AJAP1: variants seen among roughly 807,000 people sequenced by gnomAD.
AJAP1 encodes adherens junction-associated protein 1.
AJAP1 carries 5 observed loss-of-function variants against 35.0 expected under a neutral mutation model. That is an observed-to-expected ratio of 0.14 (90% CI 0.07 to 0.30). The LOEUF (loss-of-function observed/expected upper bound fraction) is 0.30. AJAP1 is among the 10% of genes least tolerant of loss of function. The pLI is 1.00. For synonymous variants in AJAP1, 284 were observed against 249.3 expected (o/e 1.14, Z -1.31); for missense variants, 586 against 571.0 (o/e 1.03, Z -0.27).
intron 1 of AJAP1, among the ~76,000 whole-genome samples, chr1:4,694,974 A>G (rs1383318258): frequency 3.9e-5 from 6 of 152,136 alleles, no homozygotes. Flanking sequence ...CAGGAGTCAG[A>G]TGGGACCATG....
chr1:4,772,593 T>C (rs1052831361), intron 4 of AJAP1, 68 bp downstream of exon 4: 2 of 1,583,242 alleles, frequency 1.3e-6, no homozygotes, highest in African/African-American at 2.7e-5. Context: ...CGGGGGCCGG[T>C]GTGGCTGAGC....
intron 2 of AJAP1, among the ~76,000 whole-genome samples, chr1:4,759,598 G>A (rs994893046): frequency 6.6e-6 from 1 of 152,104 alleles, no homozygotes; most frequent in African/African-American, 2.4e-5. Context: ...TTCTGTACGG[G>A]GGCCTCTGGA....
chr1:4,765,899 G>T (rs927474372), intron 2 of AJAP1, among the ~76,000 whole-genome samples: 1 of 152,150 alleles, frequency 6.6e-6, no homozygotes, highest in Non-Finnish European at 1.5e-5. Flanking sequence ...TAAACTAGAG[G>T]CTGTGGGTCT....
At chr1:4,769,513 G>C (rs1641783829) in intron 2 of AJAP1, among the ~76,000 whole-genome samples, 1 of 152,218 alleles carries the variant, frequency 6.6e-6, no homozygotes, top group East Asian at 1.9e-4. Context: ...CCTGCCGCCA[G>C]GTAGAGGAGG....
rs1490534651 is a variant in AJAP1 at position 4,787,646 on chromosome 1, C to G, written c.*5161C>G. 2.2e-6 allele frequency: 1 copy of G among 455,826 alleles called. No homozygotes were observed. The highest frequency in any genetic ancestry group is 7.0e-5 in the East Asian group (1 of 14,380). 28.2% of individuals were successfully genotyped at this position (455,826 alleles called of 1,614,324 possible). A position where few individuals can be genotyped will look rare whatever the true frequency, so the allele number is the denominator to read the frequency against. On this transcript the variant is annotated 3_prime_UTR_variant, in exon 6 of 6. Transcript: ENST00000378191. ...TGAGGGCTGCTGCCCTGGTGATGAG[C>G]TTGCCCCATCCCTGGGCACTGGCTC...
chr1:4,708,959 C>T (rs1294527599), intron 1 of AJAP1, among the ~76,000 whole-genome samples: 2 of 152,226 alleles, frequency 1.3e-5, no homozygotes, highest in Non-Finnish European at 2.9e-5. Flanking sequence ...ACAAATCGAC[C>T]TCTCCCTGCC....
At chr1:4,659,369 A>T (rs1225148187) in intron 1 of AJAP1, among the ~76,000 whole-genome samples, 2 of 152,182 alleles carry the variant, frequency 1.3e-5, no homozygotes, top group Non-Finnish European at 2.9e-5. Context: ...AGGAGGAGAC[A>T]GGAGCAGGGG....
chr1:4,727,044 G>A (rs1224670167), intron 2 of AJAP1, among the ~76,000 whole-genome samples: 1 of 152,230 alleles, frequency 6.6e-6, no homozygotes, highest in Non-Finnish European at 1.5e-5. Context: ...CCCGCAGCGA[G>A]CCACCTGTGG....
intron 2 of AJAP1, among the ~76,000 whole-genome samples, chr1:4,746,649 G>A (rs2100325290): frequency 6.6e-6 from 1 of 152,272 alleles, no homozygotes; most frequent in Non-Finnish European, 1.5e-5. Context: ...TACGTTTTAG[G>A]GCTTACAATG....
At chr1:4,746,004 T>C (rs1322505815) in intron 2 of AJAP1, among the ~76,000 whole-genome samples, 2 of 152,240 alleles carry the variant, frequency 1.3e-5, no homozygotes, top group East Asian at 1.9e-4. Flanking sequence ...TGGTTTCCCG[T>C]GGCTGCTGTA....
At chr1:4,665,864 G>T (rs1570086748) in intron 1 of AJAP1, among the ~76,000 whole-genome samples, 2 of 152,252 alleles carry the variant, frequency 1.3e-5, no homozygotes, top group Non-Finnish European at 2.9e-5. Flanking sequence ...AAATGGAATT[G>T]CAGGAGCCAA....
At chr1:4,733,630 G>T (rs11588111) in intron 2 of AJAP1, among the ~76,000 whole-genome samples, 2,530 of 151,636 alleles carry the variant, frequency 0.017, 61 homozygotes, top group South Asian at 0.11. Context: ...ATGGGATGTG[G>T]AACACAGATC....
intron 5 of AJAP1, among the ~76,000 whole-genome samples, chr1:4,778,190 G>T (rs1235295360): frequency 6.6e-6 from 1 of 152,154 alleles, no homozygotes; most frequent in Non-Finnish European, 1.5e-5. Flanking sequence ...CCCAGATCCC[G>T]ATCTGGAAGA....
At chr1:4,696,187 G>A (rs930775408) in intron 1 of AJAP1, among the ~76,000 whole-genome samples, 5 of 152,178 alleles carry the variant, frequency 3.3e-5, no homozygotes, top group African/African-American at 7.2e-5. Flanking sequence ...GGCCCAGGCA[G>A]TGCTGGCTCC....
At chr1:4,725,928 T>A (rs989689992) in intron 2 of AJAP1, among the ~76,000 whole-genome samples, 2 of 152,238 alleles carry the variant, frequency 1.3e-5, no homozygotes, top group Non-Finnish European at 2.9e-5. Context: ...AAAGGCTCTA[T>A]CTCCAAATAC....
chr1:4,674,042 CAAAAAAAAAAA>C lies in AJAP1; in HGVS notation c.29+18602_29+18612del, dbSNP rs57335438. 1.9e-3 allele frequency among the ~76,000 whole-genome samples: 156 copies of C among 81,962 alleles called. 1 individual carries two copies. The highest frequency in any genetic ancestry group is 6.8e-3 in the African/African-American group (147 of 21,606). The allele number at this position is 81,962 out of a possible 152,430, so 53.8% of individuals were successfully genotyped here. A position where few individuals can be genotyped will look rare whatever the true frequency, so the allele number is the denominator to read the frequency against. ...GAGATAGGCTTATCCCCCCCGCCAC[CAAAAAAAAAAA>C]AAAAAAAAAAAAAGGAACAAAAAGG... On this transcript the variant is annotated intron_variant, in intron 1 of 5. Transcript: ENST00000378191.
intron 5 of AJAP1, 88 bp downstream of exon 5, chr1:4,774,646 A>C: frequency 1.4e-6 from 1 of 734,876 alleles, no homozygotes; most frequent in Non-Finnish European, 2.3e-6. Flanking sequence ...GATCACTGGG[A>C]GCTCTTTTAG....
At chr1:4,663,960 C>T (rs1341457540) in intron 1 of AJAP1, among the ~76,000 whole-genome samples, 3 of 152,168 alleles carry the variant, frequency 2.0e-5, no homozygotes, top group Non-Finnish European at 4.4e-5. Flanking sequence ...TTCTCATAAA[C>T]ACCCTCACTG....
intron 2 of AJAP1, among the ~76,000 whole-genome samples, chr1:4,716,581 G>T (rs1177426590): frequency 6.6e-6 from 1 of 151,776 alleles, no homozygotes; most frequent in East Asian, 1.9e-4. Context: ...GGAGATGATG[G>T]TGATGATGGT....
Sources: gnomAD v4.1 joint callset for allele counts (sites outside exome capture counted in the v4.1 genomes callset) on GRCh38, gnomAD v4.1.1 for gene constraint, MANE v1.5 for transcripts, NCBI Gene and HGNC (gene_info 2026-07-23, HGNC 2026-07-21) for gene names.